The following OR10J1 variants were observed in gnomAD, a reference collection of about 807,000 sequenced individuals.
OR10J1 encodes the protein olfactory receptor 10J1.
For synonymous variants in OR10J1, 202 were observed against 143.8 expected, an observed-to-expected ratio of 1.40 and a Z score of -2.89; for missense variants, 474 against 376.6, an observed-to-expected ratio of 1.26 and a Z score of -2.14.
chr1:159,428,449 C>T, the OR10J1 span, among the ~76,000 whole-genome samples: 1 of 151,992 alleles, frequency 6.6e-6, no homozygotes, highest in Non-Finnish European at 1.5e-5. Context: ...GTTTCAATTC[C>T]ATTCTATTTC....
At chr1:159,399,457 G>A in the OR10J1 span, among the ~76,000 whole-genome samples, 1 of 151,320 alleles carries the variant, frequency 6.6e-6, no homozygotes, top group African/African-American at 2.4e-5. Flanking sequence ...TGTAGTCCCA[G>A]CTACTCAGGA....
chr1:159,414,706 A>C, the OR10J1 span, among the ~76,000 whole-genome samples: 2 of 152,068 alleles, frequency 1.3e-5, no homozygotes, highest in Non-Finnish European at 2.9e-5. Flanking sequence ...GTTCCCACCA[A>C]TATTGTATAA....
upstream of OR10J1, among the ~76,000 whole-genome samples, chr1:159,433,311 A>G (rs765415208): frequency 2.6e-5 from 4 of 152,192 alleles, no homozygotes; most frequent in East Asian, 1.9e-4. Context: ...AATGAAAAAA[A>G]GAAATAGATG....
chr1:159,406,276 A>T, the OR10J1 span: 1,870 of 526,954 alleles, frequency 3.5e-3, 30 homozygotes, highest in African/African-American at 0.032. Flanking sequence ...AGTTAGAAAG[A>T]CAACAAAGAA....
chr1:159,426,284 T>A, the OR10J1 span, among the ~76,000 whole-genome samples: 3 of 151,820 alleles, frequency 2.0e-5, no homozygotes, highest in Non-Finnish European at 4.4e-5. Context: ...ATTTTAATAA[T>A]CTACCACTTC....
At chr1:159,412,008 T>C in the OR10J1 span, among the ~76,000 whole-genome samples, 16 of 152,150 alleles carry the variant, frequency 1.1e-4, no homozygotes, top group African/African-American at 3.6e-4. Flanking sequence ...AGAAAATCAA[T>C]GTACAAAAAT....
At chr1:159,407,878 A>C in the OR10J1 span, among the ~76,000 whole-genome samples, 2 of 152,134 alleles carry the variant, frequency 1.3e-5, no homozygotes, top group African/African-American at 4.8e-5. Context: ...CATGGGAAAG[A>C]GTCCCTGATG....
At chr1:159,432,198 T>C in the OR10J1 span, 1 of 400,804 alleles carries the variant, frequency 2.5e-6, no homozygotes, top group African/African-American at 2.0e-5. Context: ...ACTCAGATTC[T>C]CCTCAATGCC....
upstream of OR10J1, among the ~76,000 whole-genome samples, chr1:159,439,036 A>G (rs939213337): frequency 1.3e-5 from 2 of 152,232 alleles, no homozygotes; most frequent in African/African-American, 4.8e-5. Context: ...GAAGGTAAAG[A>G]TGTAGCATAG....
upstream of OR10J1, among the ~76,000 whole-genome samples, chr1:159,439,540 G>A (rs1364707775): frequency 2.6e-5 from 4 of 152,108 alleles, no homozygotes; most frequent in Non-Finnish European, 5.9e-5. Flanking sequence ...GAGCATGTAT[G>A]GTTATACAGT....
At chr1:159,410,614 A>G in the OR10J1 span, among the ~76,000 whole-genome samples, 43 of 150,954 alleles carry the variant, frequency 2.8e-4, 1 homozygote, top group East Asian at 7.8e-3. Flanking sequence ...TCTTGCTAGC[A>G]GTCTATCAAT....
the OR10J1 span, among the ~76,000 whole-genome samples, chr1:159,427,956 G>A: frequency 1.3e-5 from 2 of 152,060 alleles, no homozygotes; most frequent in Non-Finnish European, 2.9e-5. Flanking sequence ...ATATGATTAT[G>A]TCAATGAATG....
At chr1:159,413,922 G>T in the OR10J1 span, among the ~76,000 whole-genome samples, 2 of 151,872 alleles carry the variant, frequency 1.3e-5, no homozygotes, top group African/African-American at 4.8e-5. Flanking sequence ...TTAAATGTAT[G>T]TATAGTTCAC....
the OR10J1 span, among the ~76,000 whole-genome samples, chr1:159,404,525 G>A: frequency 3.3e-5 from 5 of 152,156 alleles, no homozygotes; most frequent in African/African-American, 4.8e-5. Context: ...AATTTATTAC[G>A]AGAGGGCAGT....
At chr1:159,404,741 C>T in the OR10J1 span, among the ~76,000 whole-genome samples, 1 of 152,118 alleles carries the variant, frequency 6.6e-6, no homozygotes, top group Non-Finnish European at 1.5e-5. Context: ...GATCCAAATC[C>T]TATCACTACA....
chr1:159,419,728 C>T, the OR10J1 span, among the ~76,000 whole-genome samples: 2 of 152,096 alleles, frequency 1.3e-5, no homozygotes, highest in Non-Finnish European at 2.9e-5. Flanking sequence ...TTTGTTGAGA[C>T]TTGTTTTGTG....
the OR10J1 span, among the ~76,000 whole-genome samples, chr1:159,425,176 C>A: frequency 6.6e-6 from 1 of 152,002 alleles, no homozygotes; most frequent in South Asian, 2.1e-4. Flanking sequence ...GTGGACGTTT[C>A]AAAAAATTTA....
chr1:159,421,030 C>G, the OR10J1 span, among the ~76,000 whole-genome samples: 1 of 152,046 alleles, frequency 6.6e-6, no homozygotes, highest in Non-Finnish European at 1.5e-5. Context: ...TGAGATACCA[C>G]AAATTTGAGT....
the OR10J1 span, among the ~76,000 whole-genome samples, chr1:159,413,444 G>A: frequency 6.6e-6 from 1 of 151,934 alleles, no homozygotes; most frequent in African/African-American, 2.4e-5. Context: ...CAACCCAAAT[G>A]TCCAACAATG....
Sources: gnomAD v4.1 joint callset for allele counts (sites outside exome capture counted in the v4.1 genomes callset) on GRCh38, gnomAD v4.1.1 for gene constraint, MANE v1.5 for transcripts, NCBI Gene and HGNC (gene_info 2026-07-23, HGNC 2026-07-21) for gene names.